The following SDK1 variants were observed in gnomAD, a reference collection of about 807,000 sequenced individuals.
SDK1 encodes the protein sidekick cell adhesion molecule 1.
A neutral mutation model predicts 245.5 loss-of-function variants in SDK1; 157 were observed. The ratio of observed to expected loss-of-function variants is 0.64; its 90% CI spans 0.56 to 0.73. SDK1 has a LOEUF of 0.73. SDK1 is among the 30% of genes least tolerant of loss of function. The pLI, the probability that SDK1 is intolerant of heterozygous loss-of-function variation, is 0.00. For missense variants in SDK1, 3,583 were observed against 3,002.3 expected (o/e 1.19, Z -4.52); for synonymous variants, 1,647 against 1,278.5 (o/e 1.29, Z -6.15).
intron 5 of SDK1, among the ~76,000 whole-genome samples, chr7:3,849,490 A>C (rs1780367065): frequency 6.6e-6 from 1 of 152,222 alleles, no homozygotes; most frequent in Non-Finnish European, 1.5e-5. Flanking sequence ...AGTCTTTAGG[A>C]AGGTAATTTT....
At chr7:3,662,362 A>G (rs914923375) in intron 4 of SDK1, among the ~76,000 whole-genome samples, 4 of 152,186 alleles carry the variant, frequency 2.6e-5, no homozygotes, top group African/African-American at 7.2e-5. Flanking sequence ...CATTTTTCAC[A>G]GCTCAGCACT....
intron 1 of SDK1, among the ~76,000 whole-genome samples, chr7:3,396,026 A>G (rs1159523780): frequency 6.6e-6 from 1 of 151,494 alleles, no homozygotes; most frequent in African/African-American, 2.4e-5. Context: ...TGTTTTCTAC[A>G]TTTTAAAGGT....
At position 3,321,835 on chromosome 7, in the gene SDK1, TTCTCTCTC is replaced by T. The variant is rs560246031; in HGVS notation, c.298+19963_298+19970del. On this transcript the variant is annotated intron_variant, in intron 1 of 44. Coordinates refer to ENST00000404826, the MANE Select transcript of SDK1 (RefSeq NM_152744.4). Reference sequence around the variant, plus strand: ...TTCCTTCCTTCCTTCCTTCCTCCTTTTCTCTCTCTCTCTCTCTCTTTCTCTCTTTGTTT... The same window carrying T: ...TTCCTTCCTTCCTTCCTTCCTCCTTTTCTCTCTCTCTTTCTCTCTTTGTTT... Among the ~76,000 whole-genome samples the T allele has an allele frequency of 1.5e-3, 188 of 121,770 alleles. 1 individual carries two copies. Among genetic ancestry groups the T allele is most frequent in the African/African-American group, 6.5e-3 (179 of 27,602 alleles). 79.9% of individuals were successfully genotyped at this position (121,770 alleles called of 152,430 possible).
intron 28 of SDK1, among the ~76,000 whole-genome samples, chr7:4,140,379 G>A (rs1327476243): frequency 6.6e-6 from 1 of 152,198 alleles, no homozygotes; most frequent in African/African-American, 2.4e-5. Flanking sequence ...CTCACATGCT[G>A]GAGGCGTGGC....
rs563681543 is a variant in SDK1 at position 3,543,136 on chromosome 7, G to A, written c.299-75944G>A. 2.7e-3 allele frequency among the ~76,000 whole-genome samples: 418 copies of A among 152,328 alleles called. 3 individuals are homozygous for A. The highest frequency in any genetic ancestry group is 9.8e-3 in the African/African-American group (407 of 41,568). ...GACCTATGTCTCCAAAGTAACGGAG[G>A]TTATGCATCATTTCTACTCTAGTTG... On this transcript the variant is annotated intron_variant, in intron 1 of 44. Coordinates refer to ENST00000404826, the MANE Select transcript of SDK1 (RefSeq NM_152744.4).
intron 3 of SDK1, 43 bp from the exon 4 acceptor site, chr7:3,641,915 A>G (rs745482360): frequency 8.2e-6 from 13 of 1,575,980 alleles, no homozygotes; most frequent in Middle Eastern, 1.7e-4. Flanking sequence ...CCCTCCCCCA[A>G]AAATGTTTTC....
At chr7:4,109,953 G>A (rs186025281) in intron 22 of SDK1, among the ~76,000 whole-genome samples, 183 of 152,326 alleles carry the variant, frequency 1.2e-3, no homozygotes, top group African/African-American at 4.2e-3. Flanking sequence ...AGACTCGGGA[G>A]AGGAAGAAGC....
intron 1 of SDK1, among the ~76,000 whole-genome samples, chr7:3,488,273 T>G (rs1274264061): frequency 2.0e-5 from 3 of 152,138 alleles, no homozygotes; most frequent in African/African-American, 7.2e-5. Context: ...ATTTGCTTTT[T>G]TCTTTTCTTT....
At chr7:3,592,761 A>G (rs1301945194) in intron 1 of SDK1, among the ~76,000 whole-genome samples, 2 of 152,164 alleles carry the variant, frequency 1.3e-5, no homozygotes, top group South Asian at 4.1e-4. Context: ...ACTTTGCTCT[A>G]TCGTAGCTCC....
chr7:3,711,151 A>G (rs1045030210), intron 4 of SDK1, among the ~76,000 whole-genome samples: 3 of 152,226 alleles, frequency 2.0e-5, no homozygotes, highest in Non-Finnish European at 4.4e-5. Context: ...CACTTTAATC[A>G]CAGGAAACAG....
intron 4 of SDK1, among the ~76,000 whole-genome samples, chr7:3,816,799 A>T (rs1376822157): frequency 6.6e-6 from 1 of 152,180 alleles, no homozygotes; most frequent in East Asian, 1.9e-4. Context: ...CAGAACACTA[A>T]GCCTTGGAAT....
intron 1 of SDK1, among the ~76,000 whole-genome samples, chr7:3,525,344 A>G (rs1156605297): frequency 6.6e-6 from 1 of 152,030 alleles, no homozygotes; most frequent in Non-Finnish European, 1.5e-5. Context: ...GCAGACACAG[A>G]TGGGGTAGTT....
At chr7:3,957,542 A>G (rs572067026) in intron 7 of SDK1, among the ~76,000 whole-genome samples, 15 of 152,304 alleles carry the variant, frequency 9.8e-5, no homozygotes, top group Admixed American at 9.8e-4. Context: ...TTGTTGTCGA[A>G]TGTATGTTTT....
At chr7:3,606,234 C>G (rs928783984) in intron 1 of SDK1, among the ~76,000 whole-genome samples, 3 of 152,062 alleles carry the variant, frequency 2.0e-5, no homozygotes, top group Admixed American at 6.5e-5. Flanking sequence ...TTCTTTTTCT[C>G]TTATGCTTCA....
At chr7:3,491,753 G>C (rs1204457259) in intron 1 of SDK1, among the ~76,000 whole-genome samples, 1 of 152,112 alleles carries the variant, frequency 6.6e-6, no homozygotes, top group Non-Finnish European at 1.5e-5. Context: ...TTTTAAATGA[G>C]CTGGAACAAT....
chr7:3,535,904 A>G (rs976785948), intron 1 of SDK1, among the ~76,000 whole-genome samples: 2 of 152,158 alleles, frequency 1.3e-5, no homozygotes, highest in Non-Finnish European at 2.9e-5. Flanking sequence ...CACATCTTAG[A>G]AATGCTTTTA....
At chr7:3,492,492 T>C (rs905251628) in intron 1 of SDK1, among the ~76,000 whole-genome samples, 14 of 152,184 alleles carry the variant, frequency 9.2e-5, no homozygotes, top group Admixed American at 2.6e-4. Flanking sequence ...AGACTCCGTC[T>C]CAAAAAAATA....
chr7:3,600,742 G>T (rs905373653), intron 1 of SDK1, among the ~76,000 whole-genome samples: 1 of 151,796 alleles, frequency 6.6e-6, no homozygotes, highest in Non-Finnish European at 1.5e-5. Context: ...TAGAGACAGG[G>T]TTTCACCGTG....
chr7:4,084,662 A>ATATGTTATGTTATGTTATGTTATGT (rs756197182), intron 22 of SDK1, among the ~76,000 whole-genome samples: 1 of 140,240 alleles, frequency 7.1e-6, no homozygotes, highest in African/African-American at 2.7e-5. Flanking sequence ...CCTTAAATGT[A>ATATGTTATGTTATGTTATGTTATGT]TATGTTATGT....
Sources: gnomAD v4.1 joint callset for allele counts (sites outside exome capture counted in the v4.1 genomes callset) on GRCh38, gnomAD v4.1.1 for gene constraint, MANE v1.5 for transcripts, NCBI Gene and HGNC (gene_info 2026-07-23, HGNC 2026-07-21) for gene names.